Variants in TFDP2 observed in about 807,000 individuals in gnomAD.
TFDP2 encodes the protein transcription factor Dp-2.
A neutral mutation model predicts 59.3 loss-of-function variants in TFDP2; 17 were observed. The ratio of observed to expected loss-of-function variants is 0.29; its 90% CI spans 0.20 to 0.43. TFDP2 has a LOEUF of 0.43. Ranked by LOEUF, TFDP2 falls within the 20% of genes least tolerant of loss-of-function variation. TFDP2 has a pLI of 1.00. For missense variants in TFDP2, 391 were observed against 528.8 expected (o/e 0.74, Z 2.56); for synonymous variants, 180 against 194.7 (o/e 0.92, Z 0.63).
At chr3:142,144,536 C>A (rs546152827) in intron 1 of TFDP2, among the ~76,000 whole-genome samples, 212 of 152,114 alleles carry the variant, frequency 1.4e-3, no homozygotes, top group Admixed American at 5.3e-3. Flanking sequence ...TTTATTTATT[C>A]CTATTTATTT....
intron 3 of TFDP2, chr3:142,028,715 T>A: frequency 2.0e-6 from 2 of 985,370 alleles, no homozygotes; most frequent in Non-Finnish European, 2.4e-6. Flanking sequence ...TACTTCTCAG[T>A]AAAACTAAAA....
At chr3:142,114,527 T>A (rs1372257209) in intron 1 of TFDP2, among the ~76,000 whole-genome samples, 2 of 152,166 alleles carry the variant, frequency 1.3e-5, no homozygotes, top group Non-Finnish European at 2.9e-5. Context: ...TGAAAATCCC[T>A]AACAATCACA....
chr3:141,987,938 CA>C (rs373394427), intron 6 of TFDP2, among the ~76,000 whole-genome samples: 20 of 129,520 alleles, frequency 1.5e-4, no homozygotes, highest in African/African-American at 1.9e-4. Context: ...GACCCTGCCT[CA>C]AAAAAAAAAG....
intron 3 of TFDP2, chr3:142,029,013 A>T (rs1047494662): frequency 6.6e-6 from 1 of 152,660 alleles, no homozygotes; most frequent in African/African-American, 2.4e-5. Context: ...TTGCCTTTTA[A>T]CTAACTTAAA....
chr3:141,978,385 A>G (rs1406689299), intron 7 of TFDP2, 135 bp downstream of exon 7: 2 of 951,700 alleles, frequency 2.1e-6, no homozygotes, highest in Non-Finnish European at 2.9e-6. Context: ...ATAAAACTCA[A>G]CAACAACAAA....
rs1553751359 is a variant in TFDP2, at chr3:141,949,807, A to ATTCTTTT, written c.*2705_*2706insAAAAGAA. The ATTCTTTT allele has an allele frequency of 4.1e-5, 4 of 98,030 alleles. No individual in the cohort carries two copies. Among genetic ancestry groups the ATTCTTTT allele is most frequent in the African/African-American group, 1.7e-4 (4 of 22,924 alleles). 6.1% of individuals were successfully genotyped at this position (98,030 alleles called of 1,614,324 possible). On this transcript the variant is annotated 3_prime_UTR_variant, in exon 13 of 13. Coordinates refer to ENST00000489671, the MANE Select transcript of TFDP2 (RefSeq NM_001178139.2). ...CCTGGGCATTGTGACCACAACTTCC[A>ATTCTTTT]TTTTTTTTTTTTTTTTTTTTGAGAC...
intron 4 of TFDP2, among the ~76,000 whole-genome samples, chr3:141,998,870 A>G (rs1254199471): frequency 6.6e-6 from 1 of 152,178 alleles, no homozygotes; most frequent in Non-Finnish European, 1.5e-5. Context: ...TGCTACTGCC[A>G]TCTACAGTTA....
chr3:142,100,876 A>T (rs1313703319), intron 2 of TFDP2, among the ~76,000 whole-genome samples: 2 of 152,170 alleles, frequency 1.3e-5, no homozygotes, highest in Non-Finnish European at 2.9e-5. Context: ...TACTGCTTCA[A>T]TTCCTGCTGG....
intron 3 of TFDP2, among the ~76,000 whole-genome samples, chr3:142,037,790 A>G (rs1187191821): frequency 6.6e-6 from 1 of 152,246 alleles, no homozygotes; most frequent in East Asian, 1.9e-4. Context: ...CAAGAAGATT[A>G]TCAGACATCA....
chr3:142,054,076 A>G (rs2059658910), intron 3 of TFDP2: 1 of 152,228 alleles, frequency 6.6e-6, no homozygotes, highest in Non-Finnish European at 1.5e-5. Flanking sequence ...TTTGGGAAAC[A>G]TGTTTGGTAA....
At chr3:141,987,945 A>AAAAAAAAAAAAG (rs1264979983) in intron 6 of TFDP2, among the ~76,000 whole-genome samples, 1 of 151,422 alleles carries the variant, frequency 6.6e-6, no homozygotes, top group African/African-American at 2.4e-5. Context: ...CCTCAAAAAA[A>AAAAAAAAAAAAG]AAAGAAAAGA....
At chr3:142,067,437 G>A (rs2060109374) in intron 3 of TFDP2, among the ~76,000 whole-genome samples, 1 of 151,452 alleles carries the variant, frequency 6.6e-6, no homozygotes, top group African/African-American at 2.4e-5. Flanking sequence ...AGATCTCTGG[G>A]GGAAAACCAT....
chr3:142,038,777 A>C (rs924391819), intron 3 of TFDP2, among the ~76,000 whole-genome samples: 2 of 152,184 alleles, frequency 1.3e-5, no homozygotes, highest in Non-Finnish European at 2.9e-5. Flanking sequence ...TGTTAGTTTA[A>C]CTTTTTGAAC....
intron 3 of TFDP2, among the ~76,000 whole-genome samples, chr3:142,026,522 G>A (rs1946110235): frequency 6.6e-6 from 1 of 152,036 alleles, no homozygotes; most frequent in South Asian, 2.1e-4. Context: ...AACTTTATTG[G>A]CTACTGTAAA....
At position 142,040,685 on chromosome 3, in the gene TFDP2, C is replaced by G. The variant is rs557430944; in HGVS notation, c.83-35141G>C. On this transcript the variant is annotated intron_variant, in intron 3 of 12. Coordinates refer to ENST00000489671, the MANE Select transcript of TFDP2 (RefSeq NM_001178139.2). ...CCTCAGGTGATCTGCCCACCGTGGC[C>G]TCCCAAAATGTTGGGATTACAGGTG... 4.6e-5 allele frequency among the ~76,000 whole-genome samples: 7 copies of G among 152,312 alleles called. No homozygotes were observed. The East Asian group carries it at 1.3e-3, about 29-fold the overall frequency.
intron 10 of TFDP2, among the ~76,000 whole-genome samples, chr3:141,962,941 C>T (rs1384188853): frequency 6.6e-6 from 1 of 152,166 alleles, no homozygotes; most frequent in Admixed American, 6.5e-5. Flanking sequence ...TTTGTAACAG[C>T]AGCTAACATT....
At position 142,071,101 on chromosome 3, in the gene TFDP2, A is replaced by G. The variant is rs973801512; in HGVS notation, c.82+21960T>C. 3.3e-5 allele frequency among the ~76,000 whole-genome samples: 5 copies of G among 152,322 alleles called. No individual in the cohort carries two copies. The East Asian group carries it at 7.7e-4, about 23-fold the overall frequency. On this transcript the variant is annotated intron_variant, in intron 3 of 12. Coordinates refer to ENST00000489671, the MANE Select transcript of TFDP2 (RefSeq NM_001178139.2). ...GGAACTAAAAGCAGTTCAGTGTGGC[A>G]GAAGGATAGGTGTCTGGGATAAGAG...
At chr3:142,043,809 C>G in intron 3 of TFDP2, 1 of 1,590,432 alleles carries the variant, frequency 6.3e-7, no homozygotes, top group Non-Finnish European at 8.6e-7. Context: ...TGAGAATCCG[C>G]TTGTTTTTGA....
intron 1 of TFDP2, among the ~76,000 whole-genome samples, chr3:142,146,109 T>C (rs73236047): frequency 0.084 from 12,777 of 152,250 alleles, 659 homozygotes; most frequent in Middle Eastern, 0.14. Context: ...ATCAAACTTG[T>C]ATGTTTATCA....
Sources: gnomAD v4.1 joint callset for allele counts (sites outside exome capture counted in the v4.1 genomes callset) on GRCh38, gnomAD v4.1.1 for gene constraint, MANE v1.5 for transcripts, NCBI Gene and HGNC (gene_info 2026-07-23, HGNC 2026-07-21) for gene names.